Variants in OPCML observed in about 807,000 individuals in gnomAD.
OPCML encodes opioid-binding protein/cell adhesion molecule.
OPCML carries 13 observed loss-of-function variants against 37.8 expected under a neutral mutation model. That is an observed-to-expected ratio of 0.34 (90% CI 0.22 to 0.55). The LOEUF is 0.55. Among genes scored for constraint, OPCML ranks in the 20% least tolerant of loss-of-function variants. The pLI, the probability that OPCML is intolerant of heterozygous loss-of-function variation, is 0.91. For missense variants in OPCML, 341 were observed against 435.6 expected, an observed-to-expected ratio of 0.78 and a Z score of 1.93; for synonymous variants, 176 against 168.8, an observed-to-expected ratio of 1.04 and a Z score of -0.33.
intron 1 of OPCML, among the ~76,000 whole-genome samples, chr11:133,265,936 T>C (rs1941645221): frequency 6.6e-6 from 1 of 152,006 alleles, no homozygotes; most frequent in African/African-American, 2.4e-5. Context: ...GGGTAATTAG[T>C]CCCAACAACT....
chr11:132,688,560 T>C (rs756576603), intron 2 of OPCML, among the ~76,000 whole-genome samples: 6 of 152,178 alleles, frequency 3.9e-5, no homozygotes, highest in African/African-American at 1.4e-4. Flanking sequence ...AATGATAGTA[T>C]ATTCAATGCA....
intron 1 of OPCML, among the ~76,000 whole-genome samples, chr11:133,181,371 C>T (rs541189509): frequency 2.2e-3 from 131 of 60,148 alleles, no homozygotes; most frequent in Middle Eastern, 9.8e-3. Flanking sequence ...ACGGGGGTGG[C>T]GGGGGTGGAC....
intron 1 of OPCML, among the ~76,000 whole-genome samples, chr11:133,501,003 C>T (rs1485721341): frequency 6.6e-6 from 1 of 152,040 alleles, no homozygotes; most frequent in East Asian, 1.9e-4. Flanking sequence ...GGAGCTGAGA[C>T]AGTCCTAGCA....
chr11:132,686,024 T>C (rs1943148083), intron 2 of OPCML, among the ~76,000 whole-genome samples: 7 of 152,242 alleles, frequency 4.6e-5, no homozygotes, highest in Admixed American at 4.6e-4. Flanking sequence ...ACTTAATGCC[T>C]GCTCCCACCT....
intron 4 of OPCML, among the ~76,000 whole-genome samples, chr11:132,470,123 T>C (rs1487335162): frequency 6.6e-6 from 1 of 152,112 alleles, no homozygotes; most frequent in Non-Finnish European, 1.5e-5. Context: ...ACTTTGTTTT[T>C]AAAAGATGAC....
At chr11:132,543,830 A>C (rs188631516) in intron 3 of OPCML, among the ~76,000 whole-genome samples, 695 of 152,278 alleles carry the variant, frequency 4.6e-3, no homozygotes, top group Non-Finnish European at 6.9e-3. Context: ...TTGGATTTCT[A>C]AGCATGAAGA....
chr11:133,103,523 A>G (rs1949115465), intron 1 of OPCML, among the ~76,000 whole-genome samples: 1 of 152,236 alleles, frequency 6.6e-6, no homozygotes, highest in Non-Finnish European at 1.5e-5. Context: ...GGATTAGAAT[A>G]AAACAAAATG....
At chr11:132,863,242 C>T (rs1244474925) in intron 2 of OPCML, among the ~76,000 whole-genome samples, 1 of 152,212 alleles carries the variant, frequency 6.6e-6, no homozygotes, top group Non-Finnish European at 1.5e-5. Flanking sequence ...ACTCTGGCAT[C>T]CAGGCTGGCC....
chr11:133,023,048 G>A (rs1409392704), intron 1 of OPCML, among the ~76,000 whole-genome samples: 6 of 152,166 alleles, frequency 3.9e-5, no homozygotes, highest in Admixed American at 1.3e-4. Context: ...TGTTTGGAAG[G>A]GGAGCAATGA....
chr11:132,972,575 GT>G (rs1315067296), intron 1 of OPCML, among the ~76,000 whole-genome samples: 1 of 152,244 alleles, frequency 6.6e-6, no homozygotes, highest in African/African-American at 2.4e-5. Flanking sequence ...TTAAGCAGCT[GT>G]TGCAACATAA....
chr11:133,204,661 C>T (rs1416384593), intron 1 of OPCML, among the ~76,000 whole-genome samples: 1 of 151,816 alleles, frequency 6.6e-6, no homozygotes, highest in Admixed American at 6.6e-5. Context: ...ATTACAAACA[C>T]CCCCTAAAGA....
At chr11:133,502,857 A>C (rs1947946163) in intron 1 of OPCML, among the ~76,000 whole-genome samples, 1 of 152,178 alleles carries the variant, frequency 6.6e-6, no homozygotes, top group South Asian at 2.1e-4. Context: ...TGACAGAAGA[A>C]GGCCTTCTGG....
In OPCML at chr11:132,436,823, GCA is replaced by G. The variant is rs773908755; in HGVS notation, c.644-46_644-45del. On this transcript the variant is annotated intron_variant, in intron 5 of 7. Transcript: ENST00000524381. The stretch of plus-strand genomic sequence containing the variant: ...CACACATGCACAGGCATGCACGCAC[GCA>G]CACACAGAGTGATTTCGTGAAAGAG... 1.4e-5 allele frequency: 22 copies of G among 1,593,068 alleles called. 1 individual carries two copies. The South Asian group carries it at 2.5e-4, about 18-fold the overall frequency.
intron 3 of OPCML, among the ~76,000 whole-genome samples, chr11:132,595,629 A>T (rs2096491279): frequency 6.6e-6 from 1 of 152,186 alleles, no homozygotes; most frequent in Non-Finnish European, 1.5e-5. Flanking sequence ...GACTCCACAG[A>T]ACTCTCTGAG....
At chr11:133,497,557 A>G (rs971338772) in intron 1 of OPCML, among the ~76,000 whole-genome samples, 33 of 151,006 alleles carry the variant, frequency 2.2e-4, no homozygotes, top group African/African-American at 6.2e-4. Context: ...GACAGGTGGA[A>G]GCTCCCACCA....
At chr11:132,539,918 T>C (rs903442091) in intron 3 of OPCML, among the ~76,000 whole-genome samples, 1 of 152,002 alleles carries the variant, frequency 6.6e-6, no homozygotes, top group Non-Finnish European at 1.5e-5. Flanking sequence ...ATGATGACGA[T>C]AGTGGTGATG....
At chr11:133,463,889 G>A (rs961478609) in intron 1 of OPCML, among the ~76,000 whole-genome samples, 11 of 152,150 alleles carry the variant, frequency 7.2e-5, no homozygotes, top group Admixed American at 1.3e-4. Context: ...TCAACAAAGC[G>A]GGGTGATGGT....
At chr11:132,450,206 ATTCCTAGATTGT>A (rs1490595953) in intron 4 of OPCML, among the ~76,000 whole-genome samples, 1 of 152,158 alleles carries the variant, frequency 6.6e-6, no homozygotes, top group Non-Finnish European at 1.5e-5. Flanking sequence ...CATCTGACCT[ATTCCTAGATTGT>A]TTCCCACCAG....
At chr11:133,234,274 CA>C in intron 1 of OPCML, among the ~76,000 whole-genome samples, 2 of 149,662 alleles carry the variant, frequency 1.3e-5, no homozygotes, top group Admixed American at 1.3e-4. Context: ...AAAAAAAAAA[CA>C]CAGTTTTTAC....
Sources: gnomAD v4.1 joint callset for allele counts (sites outside exome capture counted in the v4.1 genomes callset) on GRCh38, gnomAD v4.1.1 for gene constraint, MANE v1.5 for transcripts, NCBI Gene and HGNC (gene_info 2026-07-23, HGNC 2026-07-21) for gene names.